The following DLG2 variants were observed in gnomAD, a reference collection of about 807,000 sequenced individuals.
DLG2 encodes the protein disks large homolog 2.
DLG2 carries 45 observed loss-of-function variants against 132.5 expected under a neutral mutation model. The observed-to-expected ratio is 0.34, with a 90% confidence interval of 0.27 to 0.44. DLG2 has a LOEUF of 0.44. Among genes scored for constraint, DLG2 ranks in the 20% least tolerant of loss-of-function variants. DLG2 has a pLI of 1.00. For synonymous variants in DLG2, 424 were observed against 419.6 expected, an observed-to-expected ratio of 1.01 and a Z score of -0.13; for missense variants, 1,045 against 1,196.9, an observed-to-expected ratio of 0.87 and a Z score of 1.87.
intron 4 of DLG2, among the ~76,000 whole-genome samples, chr11:85,189,254 T>A (rs2080343831): frequency 6.6e-6 from 1 of 152,016 alleles, no homozygotes; most frequent in African/African-American, 2.4e-5. Context: ...GGAAAATTAT[T>A]CTTCAAAAAG....
At position 84,082,185 on chromosome 11, in the gene DLG2, T is replaced by C. The variant is rs868806460; in HGVS notation, c.749+16738A>G. ...AGTCATTTTATTTTAAAATACTTTG[T>C]AAATTCTGGCAGAAACTCTACAAGC... On this transcript the variant is annotated intron_variant, in intron 10 of 27. Coordinates refer to ENST00000376104, the MANE Select transcript of DLG2 (RefSeq NM_001142699.3). Among the ~76,000 whole-genome samples the C allele has an allele frequency of 3.9e-5, 6 of 152,280 alleles. No homozygotes were observed. In the South Asian group the frequency reaches 1.2e-3, roughly 32 times the overall value.
At chr11:83,847,715 G>C (rs139294295) in intron 16 of DLG2, among the ~76,000 whole-genome samples, 297 of 152,252 alleles carry the variant, frequency 2.0e-3, no homozygotes, top group Admixed American at 3.9e-3. Flanking sequence ...TCACATGCTT[G>C]CTTAATGAAA....
intron 6 of DLG2, among the ~76,000 whole-genome samples, chr11:84,761,826 G>A (rs925851425): frequency 1.3e-5 from 2 of 152,114 alleles, no homozygotes; most frequent in African/African-American, 2.4e-5. Flanking sequence ...TTGTGATTGT[G>A]TGAGTCAATT....
intron 18 of DLG2, among the ~76,000 whole-genome samples, chr11:83,656,734 A>G (rs1174732683): frequency 2.6e-5 from 4 of 152,200 alleles, no homozygotes; most frequent in Non-Finnish European, 4.4e-5. Context: ...ATTTTGTTGT[A>G]CTTTAGATAT....
At chr11:84,194,270 T>C (rs2096470232) in intron 8 of DLG2, among the ~76,000 whole-genome samples, 2 of 152,202 alleles carry the variant, frequency 1.3e-5, no homozygotes, top group South Asian at 4.1e-4. Context: ...CCGTGGACCC[T>C]TGCGGTCAGT....
chr11:85,059,824 T>A (rs1220937886), intron 6 of DLG2, among the ~76,000 whole-genome samples: 1 of 151,670 alleles, frequency 6.6e-6, no homozygotes, highest in East Asian at 1.9e-4. Flanking sequence ...GTGTTCACTT[T>A]GTGAAAATTC....
chr11:83,694,628 G>A (rs368350206), intron 18 of DLG2, among the ~76,000 whole-genome samples: 12 of 151,984 alleles, frequency 7.9e-5, no homozygotes, highest in Non-Finnish European at 1.6e-4. Flanking sequence ...TCAACCTCAC[G>A]GTCCCATTGT....
intron 3 of DLG2, among the ~76,000 whole-genome samples, chr11:85,513,754 CT>C (rs2094122746): frequency 6.6e-6 from 1 of 151,772 alleles, no homozygotes; most frequent in Non-Finnish European, 1.5e-5. Context: ...TTAGAAGTAT[CT>C]TTTTGTTATT....
At chr11:85,485,696 T>G (rs1304690854) in intron 3 of DLG2, among the ~76,000 whole-genome samples, 1 of 152,178 alleles carries the variant, frequency 6.6e-6, no homozygotes, top group Non-Finnish European at 1.5e-5. Flanking sequence ...GGCTTTTGCA[T>G]TCTTGGCTAT....
intron 5 of DLG2, among the ~76,000 whole-genome samples, chr11:85,125,181 G>A (rs1190406561): frequency 6.6e-6 from 1 of 152,164 alleles, no homozygotes; most frequent in Non-Finnish European, 1.5e-5. Context: ...TTCATTTGCA[G>A]TTGTTTCCTC....
intron 4 of DLG2, among the ~76,000 whole-genome samples, chr11:85,202,506 A>T (rs2081544773): frequency 6.6e-6 from 1 of 152,156 alleles, no homozygotes; most frequent in Non-Finnish European, 1.5e-5. Context: ...AAAATCAACA[A>T]GGAAACATCA....
In DLG2 at chr11:83,612,007, T is replaced by C. The variant is rs150318120; in HGVS notation, c.1940+21204A>G. Among the ~76,000 whole-genome samples, 83 of 152,316 alleles carry C rather than the reference T, an allele frequency of 5.4e-4. 1 individual carries two copies. Among genetic ancestry groups the C allele is most frequent in the African/African-American group, 1.8e-3 (76 of 41,570 alleles). On this transcript the variant is annotated intron_variant, in intron 19 of 27. Coordinates refer to ENST00000376104, the MANE Select transcript of DLG2 (RefSeq NM_001142699.3). The stretch of plus-strand genomic sequence containing the variant: ...ATAGAAGTCTTATATACTTGACCTT[T>C]ACCACACACTTGGAGAAATGGTGCA...
At chr11:83,947,665 G>A (rs2084388436) in intron 14 of DLG2, among the ~76,000 whole-genome samples, 1 of 152,100 alleles carries the variant, frequency 6.6e-6, no homozygotes, top group Admixed American at 6.6e-5. Context: ...TGTTTTACAT[G>A]GATTAATTTA....
At chr11:84,068,957 G>C (rs1385950551) in intron 10 of DLG2, among the ~76,000 whole-genome samples, 2 of 152,154 alleles carry the variant, frequency 1.3e-5, no homozygotes, top group Non-Finnish European at 2.9e-5. Flanking sequence ...TGTTAAAAAT[G>C]ATTTTGCGAC....
chr11:84,674,089 A>G (rs944888621), intron 6 of DLG2, among the ~76,000 whole-genome samples: 4 of 152,184 alleles, frequency 2.6e-5, no homozygotes, highest in African/African-American at 9.7e-5. Flanking sequence ...CTGAAAGACA[A>G]AAATAGAATT....
At chr11:85,093,465 C>T (rs1258933784) in intron 6 of DLG2, among the ~76,000 whole-genome samples, 2 of 152,072 alleles carry the variant, frequency 1.3e-5, no homozygotes, top group Non-Finnish European at 2.9e-5. Context: ...TAGTGCTTTA[C>T]CAGTGTATTA....
chr11:84,182,686 T>C (rs2096169744), intron 8 of DLG2, among the ~76,000 whole-genome samples: 1 of 152,142 alleles, frequency 6.6e-6, no homozygotes, highest in African/African-American at 2.4e-5. Context: ...GCTTCTACTT[T>C]AGAAAACTAG....
At chr11:84,867,968 G>T (rs1260804086) in intron 6 of DLG2, among the ~76,000 whole-genome samples, 1 of 151,946 alleles carries the variant, frequency 6.6e-6, no homozygotes, top group Non-Finnish European at 1.5e-5. Flanking sequence ...CAGCTACTCG[G>T]GAGGCCGAGG....
In DLG2 at chr11:83,531,592, C is replaced by T. The variant is rs1309253804; in HGVS notation, c.2193+1116G>A. Among the ~76,000 whole-genome samples, 3 of 152,076 alleles carry T rather than the reference C, an allele frequency of 2.0e-5. No homozygotes were observed. The East Asian group carries it at 5.8e-4, about 29-fold the overall frequency. ...CACTTTGGAAAACAGCCTGTCAGTT[C>T]CTCAAAATGTTAAGCATAGAGTTAC... is the stretch of plus-strand genomic sequence containing the variant. On this transcript the variant is annotated intron_variant, in intron 21 of 27. Coordinates refer to ENST00000376104, the MANE Select transcript of DLG2 (RefSeq NM_001142699.3).
Sources: gnomAD v4.1 joint callset for allele counts (sites outside exome capture counted in the v4.1 genomes callset) on GRCh38, gnomAD v4.1.1 for gene constraint, MANE v1.5 for transcripts, NCBI Gene and HGNC (gene_info 2026-07-23, HGNC 2026-07-21) for gene names.